The following CREB5 variants were observed in gnomAD, a reference collection of about 807,000 sequenced individuals.
The protein encoded by CREB5 is cyclic AMP-responsive element-binding protein 5.
CREB5 carries 19 observed loss-of-function variants against 57.1 expected under a neutral mutation model. The observed-to-expected ratio is 0.33, with a 90% CI of 0.23 to 0.49. The LOEUF (loss-of-function observed/expected upper bound fraction) is 0.49. CREB5 is among the 20% of genes least tolerant of loss of function. The probability of loss-of-function intolerance (pLI) is 0.99; values close to 1 mark genes in which losing one functional copy is unlikely to be tolerated. For missense variants in CREB5, 579 were observed against 671.6 expected (o/e 0.86, Z 1.52); for synonymous variants, 238 against 238.3 (o/e 1.00, Z 0.01).
chr7:28,410,246 T>C (rs1218063786), upstream of CREB5: 2 of 454,910 alleles, frequency 4.4e-6, no homozygotes, highest in African/African-American at 2.0e-5. Context: ...CTCCGTCCGC[T>C]CCAGTCCACT....
chr7:28,340,976 G>A (rs1049749722), intron 1 of CREB5, among the ~76,000 whole-genome samples: 1 of 152,160 alleles, frequency 6.6e-6, no homozygotes, highest in Admixed American at 6.5e-5. Context: ...GATTTTCTCT[G>A]TGCCACATGG....
intron 5 of CREB5, among the ~76,000 whole-genome samples, chr7:28,634,302 AG>A: frequency 6.6e-6 from 1 of 152,344 alleles, no homozygotes; most frequent in East Asian, 1.9e-4. Flanking sequence ...CTTTCAGACC[AG>A]TTGAACAGAT....
At chr7:28,645,473 C>T (rs948682176) in intron 5 of CREB5, among the ~76,000 whole-genome samples, 4 of 152,176 alleles carry the variant, frequency 2.6e-5, no homozygotes, top group Non-Finnish European at 4.4e-5. Flanking sequence ...TTTTGCTGAT[C>T]CCAGAATCTG....
chr7:28,753,425 A>T (rs181426727), intron 7 of CREB5, among the ~76,000 whole-genome samples: 1 of 152,152 alleles, frequency 6.6e-6, no homozygotes, highest in Non-Finnish European at 1.5e-5. Flanking sequence ...AGAAATACTG[A>T]TGAGAGAGTT....
intron 5 of CREB5, among the ~76,000 whole-genome samples, chr7:28,658,040 A>G (rs1190272243): frequency 6.6e-6 from 1 of 152,204 alleles, no homozygotes; most frequent in Non-Finnish European, 1.5e-5. Flanking sequence ...TGGTGTAAAC[A>G]ATATATTTGT....
At chr7:28,672,286 C>T (rs1049290567) in intron 5 of CREB5, among the ~76,000 whole-genome samples, 2 of 151,864 alleles carry the variant, frequency 1.3e-5, no homozygotes, top group Admixed American at 1.3e-4. Context: ...AGTCATTACA[C>T]CTTTCTAATC....
chr7:28,554,719 G>A (rs1254940775), intron 4 of CREB5, among the ~76,000 whole-genome samples: 1 of 152,224 alleles, frequency 6.6e-6, no homozygotes, highest in African/African-American at 2.4e-5. Context: ...CACAAGGTCA[G>A]CTCTGGGCCA....
chr7:28,620,071 A>G (rs1797737026), intron 5 of CREB5, among the ~76,000 whole-genome samples: 1 of 152,214 alleles, frequency 6.6e-6, no homozygotes, highest in African/African-American at 2.4e-5. Context: ...TGATGAAGTG[A>G]AGCTTCTCAA....
intron 5 of CREB5, among the ~76,000 whole-genome samples, chr7:28,620,780 G>A (rs891813438): frequency 5.9e-5 from 9 of 152,112 alleles, no homozygotes; most frequent in African/African-American, 2.2e-4. Context: ...GTCAGGAGTT[G>A]TCTATACAGA....
chr7:28,614,574 A>G (rs1797525902), intron 5 of CREB5, among the ~76,000 whole-genome samples: 1 of 152,150 alleles, frequency 6.6e-6, no homozygotes, highest in South Asian at 2.1e-4. Flanking sequence ...CCCTAATGAG[A>G]GCCCCTTGCA....
chr7:28,802,518 C>T (rs947649318), intron 7 of CREB5, among the ~76,000 whole-genome samples: 4 of 152,210 alleles, frequency 2.6e-5, no homozygotes, highest in Non-Finnish European at 5.9e-5. Flanking sequence ...TATCATGAAT[C>T]AGATAAGAAC....
At chr7:28,755,332 G>A (rs1805238778) in intron 7 of CREB5, among the ~76,000 whole-genome samples, 1 of 152,218 alleles carries the variant, frequency 6.6e-6, no homozygotes, top group African/African-American at 2.4e-5. Flanking sequence ...TATAACAGCT[G>A]CTGAAGATAC....
intron 5 of CREB5, among the ~76,000 whole-genome samples, chr7:28,661,821 G>A (rs2128713878): frequency 6.6e-6 from 1 of 152,330 alleles, no homozygotes; most frequent in Non-Finnish European, 1.5e-5. Flanking sequence ...TATTTTTAAG[G>A]AGGAAGATAA....
chr7:28,538,720 T>C (rs563047989), intron 4 of CREB5, among the ~76,000 whole-genome samples: 5 of 152,350 alleles, frequency 3.3e-5, no homozygotes, highest in Non-Finnish European at 5.9e-5. Context: ...CTTTCTAATA[T>C]GTGCATTTAA....
At chr7:28,437,413 G>A (rs2128558894) in intron 1 of CREB5, among the ~76,000 whole-genome samples, 1 of 152,236 alleles carries the variant, frequency 6.6e-6, no homozygotes, top group South Asian at 2.1e-4. Flanking sequence ...AACTTGCCAA[G>A]AGAGATCACC....
At chr7:28,588,428 A>G (rs1157837785) in intron 5 of CREB5, among the ~76,000 whole-genome samples, 2 of 152,186 alleles carry the variant, frequency 1.3e-5, no homozygotes, top group African/African-American at 4.8e-5. Context: ...GTTATCTAGT[A>G]CGGAGGAACT....
At chr7:28,305,985 G>GT (rs143856497) in intron 1 of CREB5, among the ~76,000 whole-genome samples, 2,299 of 147,598 alleles carry the variant, frequency 0.016, 20 homozygotes, top group Non-Finnish European at 0.025. Flanking sequence ...ATTTTAATTA[G>GT]TTTTTTTTTT....
chr7:28,677,236 A>G (rs1322709219), intron 5 of CREB5, among the ~76,000 whole-genome samples: 3 of 152,196 alleles, frequency 2.0e-5, no homozygotes, highest in Non-Finnish European at 4.4e-5. Context: ...TGACCATAGG[A>G]TGACCACGTA....
At chr7:28,397,342 T>C (rs1240047296) in intron 1 of CREB5, among the ~76,000 whole-genome samples, 1 of 152,170 alleles carries the variant, frequency 6.6e-6, no homozygotes, top group African/African-American at 2.4e-5. Context: ...GAAGGATCTA[T>C]TTGGGGAAAC....
Sources: allele counts gnomAD v4.1 joint callset (sites outside exome capture counted in the v4.1 genomes callset), GRCh38; gene constraint gnomAD v4.1.1; transcripts MANE v1.5; gene names NCBI Gene and HGNC (gene_info 2026-07-23, HGNC 2026-07-21).